The following PSD3 variants were observed in gnomAD, a reference collection of about 807,000 sequenced individuals.
The protein encoded by PSD3 is PH and SEC7 domain-containing protein 3.
A neutral mutation model predicts 105.5 loss-of-function variants in PSD3; 49 were observed. The observed-to-expected ratio is 0.46, with a 90% CI of 0.37 to 0.59. The LOEUF (loss-of-function observed/expected upper bound fraction) is 0.59, where lower values mean the gene tolerates loss of function less well. Ranked by LOEUF, PSD3 falls within the 20% of genes least tolerant of loss-of-function variation. The pLI is 0.00. For missense variants in PSD3, 1,561 were observed against 1,263.8 expected, an observed-to-expected ratio of 1.24 and a Z score of -3.57; for synonymous variants, 557 against 457.8, an observed-to-expected ratio of 1.22 and a Z score of -2.77.
chr8:18,567,893 G>C (rs1801893278), intron 14 of PSD3, among the ~76,000 whole-genome samples: 3 of 152,240 alleles, frequency 2.0e-5, no homozygotes, highest in Non-Finnish European at 2.9e-5. Flanking sequence ...GACCTGGTAA[G>C]AGGTGTTTGC....
intron 12 of PSD3, among the ~76,000 whole-genome samples, chr8:18,583,254 C>T (rs149881270): frequency 7.6e-4 from 115 of 152,194 alleles, no homozygotes; most frequent in East Asian, 4.9e-3. Flanking sequence ...GCCTGGGTAA[C>T]GAAGTGAGAT....
intron 1 of PSD3, among the ~76,000 whole-genome samples, chr8:18,956,303 A>C (rs1262234284): frequency 2.0e-5 from 3 of 152,146 alleles, no homozygotes; most frequent in African/African-American, 7.2e-5. Flanking sequence ...CATGCACAAC[A>C]CTGGTATCCC....
chr8:19,045,878 G>A (rs1453407864), intron 1 of PSD3, among the ~76,000 whole-genome samples: 1 of 152,126 alleles, frequency 6.6e-6, no homozygotes, highest in African/African-American at 2.4e-5. Context: ...TTTATTCCCA[G>A]TTGAATTCAG....
chr8:18,961,655 C>T (rs1225527970), intron 1 of PSD3, among the ~76,000 whole-genome samples: 2 of 152,176 alleles, frequency 1.3e-5, no homozygotes, highest in Non-Finnish European at 2.9e-5. Flanking sequence ...CACGCTACTG[C>T]ACTCCAGCCT....
At chr8:18,577,382 G>A (rs1563340199) in intron 12 of PSD3, among the ~76,000 whole-genome samples, 1 of 152,006 alleles carries the variant, frequency 6.6e-6, no homozygotes. Flanking sequence ...TTTGAGGAAT[G>A]AATGTGTCTT....
intron 3 of PSD3, among the ~76,000 whole-genome samples, chr8:18,868,682 G>T (rs1368300658): frequency 6.6e-6 from 1 of 152,182 alleles, no homozygotes; most frequent in Non-Finnish European, 1.5e-5. Context: ...TGAGAGATTA[G>T]AAACAGCTCA....
chr8:18,558,095 C>T (rs888935592), intron 14 of PSD3, among the ~76,000 whole-genome samples: 1 of 152,210 alleles, frequency 6.6e-6, no homozygotes, highest in East Asian at 1.9e-4. Flanking sequence ...TCTGCTGGCA[C>T]CTTGATCTTG....
intron 15 of PSD3, among the ~76,000 whole-genome samples, chr8:18,548,303 G>C (rs1193185283): frequency 1.3e-5 from 2 of 151,996 alleles, no homozygotes; most frequent in Non-Finnish European, 2.9e-5. Context: ...TTCTTTTTCA[G>C]GCAACTCATA....
At chr8:18,542,493 A>G (rs1800208343) in intron 15 of PSD3, among the ~76,000 whole-genome samples, 1 of 152,224 alleles carries the variant, frequency 6.6e-6, no homozygotes, top group Admixed American at 6.5e-5. Context: ...TCGCTTTGAT[A>G]ATTTTTTATA....
At chr8:18,599,500 C>G (rs2634461) in intron 12 of PSD3, among the ~76,000 whole-genome samples, 114,674 of 152,096 alleles carry the variant, frequency 0.75, 44,135 homozygotes, top group South Asian at 0.89. Flanking sequence ...GTCCACTGAA[C>G]GATGAATAAA....
At chr8:18,592,783 C>A (rs547035796) in intron 12 of PSD3, among the ~76,000 whole-genome samples, 8 of 152,154 alleles carry the variant, frequency 5.3e-5, no homozygotes, top group African/African-American at 1.7e-4. Flanking sequence ...ATATATAGAC[C>A]AATGGAACAG....
intron 11 of PSD3, among the ~76,000 whole-genome samples, chr8:18,612,540 G>C (rs997820850): frequency 6.6e-6 from 1 of 151,958 alleles, no homozygotes; most frequent in African/African-American, 2.4e-5. Context: ...CCTGGATAAT[G>C]TTGTTGTATT....
intron 1 of PSD3, among the ~76,000 whole-genome samples, chr8:18,977,897 G>C (rs1825030222): frequency 6.6e-6 from 1 of 152,140 alleles, no homozygotes; most frequent in South Asian, 2.1e-4. Context: ...AAGCATAGAA[G>C]TCACAAAGGA....
At chr8:18,706,562 G>C (rs1801912407) in intron 9 of PSD3, among the ~76,000 whole-genome samples, 1 of 152,212 alleles carries the variant, frequency 6.6e-6, no homozygotes, top group African/African-American at 2.4e-5. Context: ...AAGAGCACTG[G>C]TGGTGCCCAT....
intron 1 of PSD3, among the ~76,000 whole-genome samples, chr8:19,004,478 A>G (rs1411047063): frequency 1.3e-5 from 2 of 152,138 alleles, no homozygotes; most frequent in Non-Finnish European, 2.9e-5. Context: ...AAAGGTCAGG[A>G]AGAAGAAACA....
intron 9 of PSD3, among the ~76,000 whole-genome samples, chr8:18,722,979 A>C (rs2129427729): frequency 6.6e-6 from 1 of 152,306 alleles, no homozygotes; most frequent in East Asian, 1.9e-4. Context: ...CCCTATTTAA[A>C]CCATTAAGAT....
chr8:18,820,399 T>C (rs1212230546), intron 4 of PSD3, among the ~76,000 whole-genome samples: 1 of 152,168 alleles, frequency 6.6e-6, no homozygotes, highest in Non-Finnish European at 1.5e-5. Flanking sequence ...TTGGTATCTG[T>C]GGGGTACTGG....
chr8:18,979,267 C>G (rs567313619), intron 1 of PSD3, among the ~76,000 whole-genome samples: 1 of 152,088 alleles, frequency 6.6e-6, no homozygotes, highest in Non-Finnish European at 1.5e-5. Context: ...GACCCTCGGC[C>G]CATGTTTTAA....
chr8:18,620,599 T>C (rs1806045377), intron 11 of PSD3, among the ~76,000 whole-genome samples: 1 of 152,022 alleles, frequency 6.6e-6, no homozygotes, highest in Non-Finnish European at 1.5e-5. Flanking sequence ...GTCCCAGCTA[T>C]TCAATAGGCT....
Sources: gnomAD v4.1 joint callset for allele counts (sites outside exome capture counted in the v4.1 genomes callset) on GRCh38, gnomAD v4.1.1 for gene constraint, MANE v1.5 for transcripts, NCBI Gene and HGNC (gene_info 2026-07-23, HGNC 2026-07-21) for gene names.